The following SUGCT variants were observed in gnomAD, a reference collection of about 807,000 sequenced individuals.
SUGCT encodes the protein succinyl-CoA:glutarate CoA-transferase.
In SUGCT, 41 loss-of-function variants were observed where a neutral mutation model predicts 55.0. The ratio of observed to expected loss-of-function variants is 0.74; its 90% CI spans 0.58 to 0.97. The LOEUF (loss-of-function observed/expected upper bound fraction) is 0.97. SUGCT is among the 50% of genes least tolerant of loss of function. The probability of loss-of-function intolerance (pLI) is 0.00; values close to 1 mark genes in which losing one functional copy is unlikely to be tolerated. For synonymous variants in SUGCT, 187 were observed against 200.4 expected (o/e 0.93, Z 0.56); for missense variants, 568 against 547.8 (o/e 1.04, Z -0.37).
At chr7:40,562,314 A>AT (rs1476094622) in intron 12 of SUGCT, among the ~76,000 whole-genome samples, 1 of 150,754 alleles carries the variant, frequency 6.6e-6, no homozygotes, top group African/African-American at 2.4e-5. Flanking sequence ...AAAAAAAAAA[A>AT]GGTGAATGCC....
At chr7:40,427,911 G>C (rs1280898714) in intron 9 of SUGCT, among the ~76,000 whole-genome samples, 1 of 152,126 alleles carries the variant, frequency 6.6e-6, no homozygotes, top group African/African-American at 2.4e-5. Context: ...GAGGCTCTCT[G>C]TATGCCTGTG....
intron 6 of SUGCT, among the ~76,000 whole-genome samples, chr7:40,234,395 A>G (rs574937001): frequency 1.3e-5 from 2 of 152,296 alleles, no homozygotes; most frequent in South Asian, 4.1e-4. Context: ...GGTGCCCTCT[A>G]CAGCAGCACA....
At chr7:41,028,872 G>A in the SUGCT span, among the ~76,000 whole-genome samples, 1 of 152,122 alleles carries the variant, frequency 6.6e-6, no homozygotes, top group Non-Finnish European at 1.5e-5. Flanking sequence ...CTGCAAAACT[G>A]GGATATCAAT....
At chr7:40,846,473 C>T (rs569961781) in intron 13 of SUGCT, among the ~76,000 whole-genome samples, 1 of 151,836 alleles carries the variant, frequency 6.6e-6, no homozygotes, top group African/African-American at 2.4e-5. Context: ...GGGGAGACAG[C>T]ATGTTTACTA....
chr7:40,975,067 G>T, the SUGCT span, among the ~76,000 whole-genome samples: 2 of 152,148 alleles, frequency 1.3e-5, no homozygotes, highest in Non-Finnish European at 2.9e-5. Flanking sequence ...GTTAATGAAA[G>T]AATGAATCAG....
At chr7:40,754,528 T>C (rs1011064549) in intron 13 of SUGCT, among the ~76,000 whole-genome samples, 4 of 152,174 alleles carry the variant, frequency 2.6e-5, no homozygotes, top group Non-Finnish European at 4.4e-5. Context: ...CAGTCCCTCG[T>C]GGAGCTTATG....
At chr7:40,397,869 C>T (rs1785828476) in intron 9 of SUGCT, among the ~76,000 whole-genome samples, 1 of 152,096 alleles carries the variant, frequency 6.6e-6, no homozygotes, top group South Asian at 2.1e-4. Flanking sequence ...TGTTTTCCTT[C>T]TTTCCTTCTG....
intron 10 of SUGCT, among the ~76,000 whole-genome samples, chr7:40,456,768 A>G (rs1789511936): frequency 6.6e-6 from 1 of 152,112 alleles, no homozygotes; most frequent in Non-Finnish European, 1.5e-5. Flanking sequence ...AGGAATAGCT[A>G]TTTTAAAACT....
At chr7:40,580,361 A>G (rs1331747397) in intron 12 of SUGCT, among the ~76,000 whole-genome samples, 2 of 152,208 alleles carry the variant, frequency 1.3e-5, no homozygotes, top group East Asian at 3.9e-4. Context: ...TATATTTAAA[A>G]TATGTCCTAT....
rs1563043702 is a variant in SUGCT at position 40,844,799 on chromosome 7, A to C, written c.1154-15517A>C. ...TCTCACAGAAATCCAGCAAGAGATGATGGTAGCTAGCATTAGGCTGGCTGT... is the reference window on the plus strand; with the variant it reads ...TCTCACAGAAATCCAGCAAGAGATGCTGGTAGCTAGCATTAGGCTGGCTGT... On this transcript the variant is annotated intron_variant, in intron 13 of 13. Coordinates refer to ENST00000335693, the MANE Select transcript of SUGCT (RefSeq NM_001193313.2). 1.3e-5 allele frequency among the ~76,000 whole-genome samples: 2 copies of C among 152,216 alleles called. 1 individual carries two copies. Among genetic ancestry groups the C allele is most frequent in the Admixed American group, 1.3e-4 (2 of 15,290 alleles).
the SUGCT span, among the ~76,000 whole-genome samples, chr7:41,006,146 G>A: frequency 6.6e-6 from 1 of 152,122 alleles, no homozygotes; most frequent in African/African-American, 2.4e-5. Context: ...TGTAACAATG[G>A]GCTGAAAATG....
intron 12 of SUGCT, among the ~76,000 whole-genome samples, chr7:40,610,908 C>A (rs150813978): frequency 1.3e-5 from 2 of 152,274 alleles, no homozygotes; most frequent in Admixed American, 6.5e-5. Flanking sequence ...ATTCTCAAAG[C>A]AACTGAATGT....
At chr7:40,891,370 C>G in the SUGCT span, among the ~76,000 whole-genome samples, 1 of 151,920 alleles carries the variant, frequency 6.6e-6, no homozygotes, top group African/African-American at 2.4e-5. Flanking sequence ...AATTAAATTC[C>G]CAAAAGTCAG....
intron 12 of SUGCT, among the ~76,000 whole-genome samples, chr7:40,741,892 A>T (rs975939206): frequency 6.6e-6 from 1 of 152,218 alleles, no homozygotes; most frequent in African/African-American, 2.4e-5. Context: ...AAATATTTGG[A>T]GTATATACAC....
chr7:40,524,125 T>A (rs1793690473), intron 12 of SUGCT, among the ~76,000 whole-genome samples: 1 of 152,152 alleles, frequency 6.6e-6, no homozygotes, highest in Non-Finnish European at 1.5e-5. Context: ...ACTTTACCCT[T>A]GTCCTTAGTT....
intron 11 of SUGCT, among the ~76,000 whole-genome samples, chr7:40,460,870 A>G (rs976481095): frequency 6.6e-6 from 1 of 152,208 alleles, no homozygotes; most frequent in African/African-American, 2.4e-5. Context: ...CTTAACAATA[A>G]GTAAGGAATC....
At chr7:41,012,205 C>A in the SUGCT span, among the ~76,000 whole-genome samples, 1 of 152,186 alleles carries the variant, frequency 6.6e-6, no homozygotes, top group Non-Finnish European at 1.5e-5. Flanking sequence ...CTCCCTCCCC[C>A]TGTGTCTTTG....
At chr7:41,006,420 A>G in the SUGCT span, among the ~76,000 whole-genome samples, 1 of 152,066 alleles carries the variant, frequency 6.6e-6, no homozygotes, top group African/African-American at 2.4e-5. Flanking sequence ...TCTTTGAAAG[A>G]GCTACTTGAG....
intron 11 of SUGCT, 122 bp downstream of exon 11, chr7:40,459,320 A>C: frequency 1.5e-6 from 1 of 650,300 alleles, no homozygotes; most frequent in Non-Finnish European, 2.5e-6. Flanking sequence ...TCCATTTTAC[A>C]AAACTGGCTG....
Sources: gnomAD v4.1 joint callset for allele counts (sites outside exome capture counted in the v4.1 genomes callset) on GRCh38, gnomAD v4.1.1 for gene constraint, MANE v1.5 for transcripts, NCBI Gene and HGNC (gene_info 2026-07-23, HGNC 2026-07-21) for gene names.